ST6GALNAC5: variants seen among roughly 807,000 people sequenced by gnomAD.
The protein encoded by ST6GALNAC5 is alpha-N-acetylgalactosaminide alpha-2,6-sialyltransferase 5.
A neutral mutation model predicts 33.6 loss-of-function variants in ST6GALNAC5; 27 were observed. The observed-to-expected ratio is 0.80, with a 90% confidence interval of 0.59 to 1.11. The LOEUF (loss-of-function observed/expected upper bound fraction) is 1.11, where lower values mean the gene tolerates loss of function less well. Ranked by LOEUF, ST6GALNAC5 falls within the 50% of genes least tolerant of loss-of-function variation. ST6GALNAC5 has a pLI of 0.00. For synonymous variants in ST6GALNAC5, 194 were observed against 171.2 expected (o/e 1.13, Z -1.04); for missense variants, 428 against 454.0 (o/e 0.94, Z 0.52).
intron 2 of ST6GALNAC5, among the ~76,000 whole-genome samples, chr1:76,983,110 G>A (rs1428876775): frequency 6.6e-6 from 1 of 150,978 alleles, no homozygotes; most frequent in African/African-American, 2.4e-5. Context: ...CAATTAACAG[G>A]CAAAATAACC....
At chr1:76,965,853 A>G (rs1648449770) in intron 2 of ST6GALNAC5, among the ~76,000 whole-genome samples, 1 of 152,224 alleles carries the variant, frequency 6.6e-6, no homozygotes, top group South Asian at 2.1e-4. Flanking sequence ...AGCACCATTT[A>G]TTAAATAGAG....
At chr1:76,898,280 C>T (rs866693826) in intron 2 of ST6GALNAC5, among the ~76,000 whole-genome samples, 2 of 152,078 alleles carry the variant, frequency 1.3e-5, no homozygotes, top group South Asian at 2.1e-4. Flanking sequence ...CTGGCAGCTG[C>T]GGTTCAGGCC....
At chr1:76,875,407 T>C (rs1034588680) in intron 2 of ST6GALNAC5, among the ~76,000 whole-genome samples, 3 of 152,206 alleles carry the variant, frequency 2.0e-5, no homozygotes, top group African/African-American at 7.2e-5. Context: ...CCATGCATAC[T>C]CTTTCTTACC....
intron 2 of ST6GALNAC5, among the ~76,000 whole-genome samples, chr1:77,035,023 G>T (rs1350245912): frequency 6.6e-6 from 1 of 152,154 alleles, no homozygotes; most frequent in East Asian, 1.9e-4. Flanking sequence ...CCAGCCCAGT[G>T]GTTCTTAACC....
rs1428101098 is a variant in ST6GALNAC5, at chr1:77,064,289, C to G, written c.*1083C>G. 1.3e-5 allele frequency: 2 copies of G among 152,074 alleles called. No individual in the cohort carries two copies. The highest frequency in any genetic ancestry group is 4.8e-5 in the African/African-American group (2 of 41,406). 9.4% of individuals were successfully genotyped at this position (152,074 alleles called of 1,614,324 possible). On this transcript the variant is annotated 3_prime_UTR_variant, in exon 5 of 5. Transcript: ENST00000477717. ...GGGAGCCTTATCTACATTCATATTA[C>G]TTATATCACTCTTGTGGTTAAAACT...
intron 2 of ST6GALNAC5, among the ~76,000 whole-genome samples, chr1:77,020,696 C>T (rs1454136194): frequency 2.0e-5 from 3 of 152,294 alleles, no homozygotes; most frequent in East Asian, 1.9e-4. Context: ...CCACTGTGCC[C>T]GGCCTTATGC....
intron 2 of ST6GALNAC5, among the ~76,000 whole-genome samples, chr1:76,988,743 T>C (rs868420504): frequency 3.3e-5 from 5 of 152,156 alleles, no homozygotes; most frequent in Non-Finnish European, 7.4e-5. Context: ...AGTTATGTTT[T>C]ATCTGCCACT....
intron 2 of ST6GALNAC5, among the ~76,000 whole-genome samples, chr1:76,942,618 A>T (rs1451597831): frequency 6.6e-6 from 1 of 152,062 alleles, no homozygotes; most frequent in African/African-American, 2.4e-5. Flanking sequence ...CATCTTCTAG[A>T]TCTTGGCTGA....
At chr1:77,038,049 A>G (rs1651710439) in intron 2 of ST6GALNAC5, among the ~76,000 whole-genome samples, 1 of 152,198 alleles carries the variant, frequency 6.6e-6, no homozygotes, top group South Asian at 2.1e-4. Context: ...GCTTCAAATT[A>G]CCTTTCTAAT....
chr1:76,961,198 G>A (rs1483820171), intron 2 of ST6GALNAC5, among the ~76,000 whole-genome samples: 1 of 152,166 alleles, frequency 6.6e-6, no homozygotes, highest in Non-Finnish European at 1.5e-5. Context: ...CGGGGTTCCT[G>A]ACTTCCTGCA....
intron 2 of ST6GALNAC5, among the ~76,000 whole-genome samples, chr1:76,920,061 G>C (rs1194760808): frequency 6.6e-6 from 1 of 152,132 alleles, no homozygotes; most frequent in Non-Finnish European, 1.5e-5. Context: ...ATCATGTTTT[G>C]ATGTGTTATA....
In ST6GALNAC5 at chr1:76,913,100, T is replaced by G. The variant is rs544462879; in HGVS notation, c.261+44358T>G. On this transcript the variant is annotated intron_variant, in intron 2 of 4. Transcript: ENST00000477717. ...TTTAGTGCCTCCTTCAGGAGCTCTT[T>G]TAGGGCAGGCCTGGTGGTGACAAAA... is the stretch of plus-strand genomic sequence containing the variant. Among the ~76,000 whole-genome samples, 157 of 152,178 alleles carry G rather than the reference T, an allele frequency of 1.0e-3. 1 individual carries two copies. The highest frequency in any genetic ancestry group is 3.7e-3 in the African/African-American group (155 of 41,466).
chr1:77,054,522 A>G (rs770007477), intron 4 of ST6GALNAC5, among the ~76,000 whole-genome samples: 43 of 152,238 alleles, frequency 2.8e-4, no homozygotes, highest in Non-Finnish European at 3.5e-4. Context: ...TTTCCAATCT[A>G]AATCAAACTC....
rs146214600 is a variant in ST6GALNAC5 at position 76,922,234 on chromosome 1, T to C, written c.261+53492T>C. Among the ~76,000 whole-genome samples, 15 of 152,152 alleles carry C rather than the reference T, an allele frequency of 9.9e-5. No homozygotes were observed. The East Asian group carries it at 2.9e-3, about 29-fold the overall frequency. On this transcript the variant is annotated intron_variant, in intron 2 of 4. Transcript: ENST00000477717. ...TATTCCTACGATGAACATGTGGAAA[T>C]AGAAATTTAAAACGTAAAACATTTA...
chr1:76,972,985 G>A (rs1178175088), intron 2 of ST6GALNAC5, among the ~76,000 whole-genome samples: 1 of 152,050 alleles, frequency 6.6e-6, no homozygotes, highest in African/African-American at 2.4e-5. Flanking sequence ...CCATTGGTCT[G>A]TTGGTCCTTA....
intron 4 of ST6GALNAC5, among the ~76,000 whole-genome samples, chr1:77,059,781 T>C (rs1652516836): frequency 1.3e-5 from 2 of 152,186 alleles, no homozygotes; most frequent in Non-Finnish European, 2.9e-5. Context: ...TCCTAGTCCC[T>C]CATTTTTTCT....
chr1:76,969,265 C>T (rs528577354), intron 2 of ST6GALNAC5, among the ~76,000 whole-genome samples: 1 of 152,308 alleles, frequency 6.6e-6, no homozygotes, highest in Non-Finnish European at 1.5e-5. Flanking sequence ...CCTTTCCTAA[C>T]CAAGGGAATC....
rs1652804812 is a variant in ST6GALNAC5, at chr1:77,067,126, G to A, written c.*3920G>A. ...TGACAGTGGCTCACCCTATCAGAAGGCCACGTCAAAGAGAACTATAATAAT... is the reference window on the plus strand; with the variant it reads ...TGACAGTGGCTCACCCTATCAGAAGACCACGTCAAAGAGAACTATAATAAT... On this transcript the variant is annotated 3_prime_UTR_variant, in exon 5 of 5. Transcript: ENST00000477717. 6.6e-6 allele frequency among the ~76,000 whole-genome samples: 1 copy of A among 150,934 alleles called. No homozygotes were observed. The highest frequency in any genetic ancestry group is 1.5e-5 in the Non-Finnish European group (1 of 67,936).
intron 2 of ST6GALNAC5, among the ~76,000 whole-genome samples, chr1:76,980,733 A>G (rs1649215354): frequency 6.6e-6 from 1 of 152,228 alleles, no homozygotes; most frequent in South Asian, 2.1e-4. Context: ...TAATGAATCA[A>G]AGAGCTAAAT....
Sources: gnomAD v4.1 joint callset for allele counts (sites outside exome capture counted in the v4.1 genomes callset) on GRCh38, gnomAD v4.1.1 for gene constraint, MANE v1.5 for transcripts, NCBI Gene and HGNC (gene_info 2026-07-23, HGNC 2026-07-21) for gene names.